Variants in GNL3L observed in about 807,000 individuals in gnomAD.
GNL3L encodes guanine nucleotide-binding protein-like 3-like protein.
GNL3L carries 4 observed loss-of-function variants against 42.9 expected under a neutral mutation model. That is an observed-to-expected ratio of 0.09 (90% confidence interval 0.05 to 0.21). GNL3L has a LOEUF of 0.21. GNL3L is among the 10% of genes least tolerant of loss of function. The pLI, the probability that GNL3L is intolerant of heterozygous loss-of-function variation, is 1.00. For synonymous variants in GNL3L, 159 were observed against 176.3 expected (o/e 0.90, Z 0.78); for missense variants, 412 against 481.7 (o/e 0.86, Z 1.36).
intron 16 of GNL3L, among the ~76,000 whole-genome samples, chrX:54,577,157 T>G (rs1357810052): frequency 8.9e-6 from 1 of 112,430 alleles, no homozygotes; most frequent in African/African-American, 3.2e-5. Context: ...TCATATAATA[T>G]TTCTGTTTTT....
rs1333621933 is a variant in GNL3L, at chrX:54,562,787, C to T, written c.*2185C>T. Among the ~76,000 whole-genome samples, 2 of 103,803 alleles carry T rather than the reference C, an allele frequency of 1.9e-5. No homozygotes were observed. The highest frequency in any genetic ancestry group is 3.5e-5 in the African/African-American group (1 of 28,239). 90.1% of individuals were successfully genotyped at this position (103,803 alleles called of 115,157 possible). On this transcript the variant is annotated 3_prime_UTR_variant, in exon 16 of 16. Coordinates refer to ENST00000360845, the MANE Select transcript of GNL3L (RefSeq NM_001184819.2). ...CAGCCTGGGGGACAGAGTGAGACTT[C>T]GTCTCGGAAAAAAAAAAAAAAAGTT...
intron 16 of GNL3L, among the ~76,000 whole-genome samples, chrX:54,598,371 C>T (rs1925963303): frequency 9.0e-6 from 1 of 111,392 alleles, no homozygotes. Context: ...CCAATAGCTA[C>T]AGCACACATA....
intron 16 of GNL3L, among the ~76,000 whole-genome samples, chrX:54,597,751 C>G (rs780974288): frequency 1.9e-4 from 21 of 111,487 alleles, no homozygotes; most frequent in African/African-American, 6.9e-4. Flanking sequence ...TTCCCTCTGA[C>G]TAGGGCTGGT....
At chrX:54,549,394 C>G (rs1420584788) in intron 9 of GNL3L, among the ~76,000 whole-genome samples, 1 of 111,808 alleles carries the variant, frequency 8.9e-6, no homozygotes, top group African/African-American at 3.2e-5. Flanking sequence ...TCCCCCAACG[C>G]GCATAGAACC....
At chrX:54,548,770 A>T (rs1160037551) in intron 9 of GNL3L, among the ~76,000 whole-genome samples, 3 of 111,141 alleles carry the variant, frequency 2.7e-5, no homozygotes, top group African/African-American at 6.6e-5. Context: ...TGAGGGAGGG[A>T]TGATGGGAAT....
At chrX:54,572,880 G>A (rs1383940059) in intron 16 of GNL3L, among the ~76,000 whole-genome samples, 1 of 105,960 alleles carries the variant, frequency 9.4e-6, no homozygotes, top group Non-Finnish European at 2.0e-5. Context: ...GTCGCAGCCG[G>A]GCAGAGGCGC....
the GNL3L span, among the ~76,000 whole-genome samples, chrX:54,636,272 T>C: frequency 8.9e-6 from 1 of 112,399 alleles, no homozygotes; most frequent in Admixed American, 9.5e-5. Flanking sequence ...ATGTGGACTT[T>C]CCTATTCAAG....
intron 16 of GNL3L, among the ~76,000 whole-genome samples, chrX:54,593,076 GT>G (rs1925889660): frequency 9.0e-6 from 1 of 110,963 alleles, no homozygotes. Context: ...GTCCTATAGT[GT>G]TTTTTTCTAT....
intron 5 of GNL3L, among the ~76,000 whole-genome samples, chrX:54,541,782 T>C (rs1211915652): frequency 9.0e-6 from 1 of 111,571 alleles, no homozygotes; most frequent in Non-Finnish European, 1.9e-5. Context: ...CTAGGGCTTC[T>C]TGCTGCCTTT....
At chrX:54,549,882 G>A (rs991764718) in intron 9 of GNL3L, among the ~76,000 whole-genome samples, 1 of 111,200 alleles carries the variant, frequency 9.0e-6, no homozygotes, top group Non-Finnish European at 1.9e-5. Context: ...TTAAGGAGGC[G>A]CAGACAGGGA....
intron 16 of GNL3L, among the ~76,000 whole-genome samples, chrX:54,592,885 GGTTTT>G (rs760601745): frequency 9.0e-6 from 1 of 111,192 alleles, no homozygotes; most frequent in Admixed American, 9.5e-5. Flanking sequence ...ATGATTATGT[GGTTTT>G]GTTCTTCATG....
chrX:54,551,866 C>G lies in GNL3L; in HGVS notation c.1073C>G (p.Thr358Ser), dbSNP rs1924951743. 1.7e-6 allele frequency: 2 copies of G among 1,210,904 alleles called. No individual in the cohort carries two copies. Among genetic ancestry groups the G allele is most frequent in the Middle Eastern group, 4.6e-4 (2 of 4,351 alleles). ...TATTATGGCGTCTCTGGGTTCCAGA[C>G]CACTGAGCACTTTCTGACGGCAGTG... The part of the protein sequence containing the change: ...SNYYGVSGFQ[T>S]TEHFLTAVAH... The change falls in exon 12 of 16, where the codon ACC becomes AGC. Residue 358 changes from threonine to serine, a missense_variant. By Grantham distance (58) the Thr-to-Ser change is moderately conservative. Coordinates refer to ENST00000360845, the MANE Select transcript of GNL3L (RefSeq NM_001184819.2).
intron 13 of GNL3L, among the ~76,000 whole-genome samples, chrX:54,552,980 C>T (rs900551974): frequency 8.9e-6 from 1 of 111,992 alleles, no homozygotes; most frequent in Admixed American, 9.5e-5. Flanking sequence ...GATTCAAATC[C>T]GAGCTTTGTT....
chrX:54,569,910 A>C (rs757959228), downstream of GNL3L, among the ~76,000 whole-genome samples: 5 of 112,205 alleles, frequency 4.5e-5, no homozygotes, highest in South Asian at 1.5e-3. Flanking sequence ...ACATTATGGT[A>C]AAGGAATGTA....
the GNL3L span, among the ~76,000 whole-genome samples, chrX:54,638,761 C>T: frequency 8.9e-6 from 1 of 112,087 alleles, no homozygotes; most frequent in South Asian, 3.7e-4. Flanking sequence ...ATATATAGCC[C>T]ATTTTAAACT....
Position 54,544,217 on chromosome X carries a change from C to T in GNL3L, c.527-6C>T, listed in dbSNP as rs370132542. On this transcript the variant is annotated splice_polypyrimidine_tract_variant and splice_region_variant and intron_variant, in intron 7 of 15. Coordinates refer to ENST00000360845, the MANE Select transcript of GNL3L (RefSeq NM_001184819.2). ...CCAGCCCCATCTGTTCCTATATTTACCCCAGACCTGGTCCCCAAGGAGGTT... is the reference window on the plus strand; with the variant it reads ...CCAGCCCCATCTGTTCCTATATTTATCCCAGACCTGGTCCCCAAGGAGGTT... 38 of 1,089,508 alleles carry T rather than the reference C, an allele frequency of 3.5e-5. No homozygotes were observed. The highest frequency in any genetic ancestry group is 2.7e-4 in the African/African-American group (15 of 54,690). 89.8% of individuals were successfully genotyped at this position (1,089,508 alleles called of 1,213,427 possible).
intron 16 of GNL3L, among the ~76,000 whole-genome samples, chrX:54,577,449 C>T (rs1925651951): frequency 9.0e-6 from 1 of 111,404 alleles, no homozygotes; most frequent in Non-Finnish European, 1.9e-5. Context: ...TGAGAATACT[C>T]AAGATTTCTT....
downstream of GNL3L, among the ~76,000 whole-genome samples, chrX:54,571,194 A>AT (rs141463877): frequency 0.31 from 28,246 of 91,424 alleles, 6,309 homozygotes; most frequent in African/African-American, 0.72. Flanking sequence ...TGTCATCCTA[A>AT]TTTTTTTTTT....
chrX:54,557,168 C>T (rs1251268418), intron 14 of GNL3L, among the ~76,000 whole-genome samples: 4 of 107,800 alleles, frequency 3.7e-5, no homozygotes, highest in East Asian at 3.0e-4. Flanking sequence ...GGCAACAGAG[C>T]GAAACTCCAT....
Sources: allele counts gnomAD v4.1 joint callset (sites outside exome capture counted in the v4.1 genomes callset), GRCh38; gene constraint gnomAD v4.1.1; transcripts MANE v1.5; gene names NCBI Gene and HGNC (gene_info 2026-07-23, HGNC 2026-07-21).